Variants in SARDH observed in about 807,000 individuals in gnomAD.
SARDH encodes the protein sarcosine dehydrogenase, also known as sarcosine dehydrogenase, mitochondrial.
SARDH carries 95 observed loss-of-function variants against 109.1 expected under a neutral mutation model. That is an observed-to-expected ratio of 0.87 (90% confidence interval 0.74 to 1.03). The LOEUF is 1.03. Among genes scored for constraint, SARDH ranks in the 50% least tolerant of loss-of-function variants. The pLI is 0.00. For synonymous variants in SARDH, 572 were observed against 534.8 expected, an observed-to-expected ratio of 1.07 and a Z score of -0.96; for missense variants, 1,267 against 1,287.8, an observed-to-expected ratio of 0.98 and a Z score of 0.25.
At position 133,671,615 on chromosome 9, in the gene SARDH, C is replaced by A. The variant is rs779284665; in HGVS notation, c.2246G>T (p.Arg749Leu). ...CTTGGCACCCGCGGCCATCACAGCC[C>A]GGTACACAGGCACGCAGGACGCCTT... is the stretch of plus-strand genomic sequence containing the variant. ...IPKASCVPVY[R>L]AVMAAGAKHG... The change falls in exon 18 of 21, where the codon CGG (arginine) becomes CTG (leucine). Residue 749 changes from arginine (R) to leucine (L), a missense_variant. Coordinates refer to ENST00000439388, the MANE Select transcript of SARDH (RefSeq NM_001134707.2). The A allele has an allele frequency of 6.2e-6, 10 of 1,603,184 alleles. No homozygotes were observed. Among genetic ancestry groups the A allele is most frequent in the Non-Finnish European group, 7.7e-6 (9 of 1,175,540 alleles).
chr9:133,733,077 G>A (rs1321214091), intron 2 of SARDH, among the ~76,000 whole-genome samples: 4 of 152,212 alleles, frequency 2.6e-5, no homozygotes, highest in Non-Finnish European at 5.9e-5. Flanking sequence ...TGGCAGGCCA[G>A]GGGTGTGGCT....
At chr9:133,694,693 G>A (rs760711999) in intron 14 of SARDH, among the ~76,000 whole-genome samples, 5 of 152,212 alleles carry the variant, frequency 3.3e-5, no homozygotes, top group African/African-American at 4.8e-5. Context: ...AGTTTCTAGG[G>A]ACAGGATTCA....
intron 6 of SARDH, among the ~76,000 whole-genome samples, chr9:133,726,182 A>G (rs537803772): frequency 6.6e-6 from 1 of 151,828 alleles, no homozygotes; most frequent in African/African-American, 2.4e-5. Flanking sequence ...CAGCCTGGGC[A>G]GCATAGCAAA....
At chr9:133,703,335 G>C in intron 12 of SARDH, 1 of 424,328 alleles carries the variant, frequency 2.4e-6, no homozygotes, top group South Asian at 2.8e-5. Context: ...GGTTACCCAG[G>C]ACCTCAGCCA....
At chr9:133,677,854 A>G (rs1564241198) in intron 17 of SARDH, among the ~76,000 whole-genome samples, 1 of 152,244 alleles carries the variant, frequency 6.6e-6, no homozygotes, top group Non-Finnish European at 1.5e-5. Flanking sequence ...GCTGGGGCTC[A>G]GACTCCTGGA....
At position 133,718,521 on chromosome 9, in the gene SARDH, T is replaced by C. The variant is rs545150458; in HGVS notation, c.1020+417A>G. On this transcript the variant is annotated intron_variant, in intron 7 of 20. Transcript: ENST00000439388. The surrounding 1 kb of genome is among the most constrained non-coding windows in gnomAD (Gnocchi z 4.2). The stretch of plus-strand genomic sequence containing the variant: ...GTTCCATGTGTGGACTAAATGCATA[T>C]ACACATAGAACAGGGCTGCAGGGCT... 143 of 633,496 alleles carry C rather than the reference T, an allele frequency of 2.3e-4. No individual in the cohort carries two copies. Among genetic ancestry groups the C allele is most frequent in the African/African-American group, 1.5e-3 (83 of 55,504 alleles). 39.2% of individuals were successfully genotyped at this position (633,496 alleles called of 1,614,324 possible).
intron 3 of SARDH, among the ~76,000 whole-genome samples, chr9:133,732,215 C>T (rs921405299): frequency 7.2e-5 from 11 of 152,204 alleles, no homozygotes; most frequent in African/African-American, 2.2e-4. Flanking sequence ...ACTCCCGACC[C>T]CACAGGAAGC....
At chr9:133,701,837 A>C (rs2427995) in intron 13 of SARDH, among the ~76,000 whole-genome samples, 132,599 of 152,234 alleles carry the variant, frequency 0.87, 58,283 homozygotes, top group East Asian at 1. Flanking sequence ...TGAACGGTTT[A>C]TTCCCTTCAG....
intron 13 of SARDH, among the ~76,000 whole-genome samples, chr9:133,698,453 A>G (rs1831366993): frequency 6.6e-6 from 1 of 152,250 alleles, no homozygotes; most frequent in Admixed American, 6.5e-5. Context: ...AAAGGGGCCA[A>G]TAATACTCAA....
intron 20 of SARDH, among the ~76,000 whole-genome samples, chr9:133,665,008 C>A (rs129922): frequency 0.77 from 117,064 of 152,060 alleles, 46,314 homozygotes; most frequent in East Asian, 1. Flanking sequence ...CTATCTTAGG[C>A]AGAAACCTCC....
chr9:133,721,185 C>G (rs919372697), intron 6 of SARDH, among the ~76,000 whole-genome samples: 6 of 152,192 alleles, frequency 3.9e-5, no homozygotes, highest in African/African-American at 1.4e-4. Flanking sequence ...AGAGTGCCCA[C>G]CAAGCCCTGA....
chr9:133,695,315 C>T (rs2502737), intron 14 of SARDH, among the ~76,000 whole-genome samples: 49 of 152,138 alleles, frequency 3.2e-4, no homozygotes, highest in Admixed American at 2.9e-3. Flanking sequence ...TGGTGGTGTG[C>T]GCCTGTAATC....
chr9:133,708,331 C>A lies in SARDH; in HGVS notation c.1426G>T (p.Glu476Ter). ...KNYSVVFPHD[E>*]PLAGRNMRRD... ...CTCATGTTGCGCCCGGCCAGCGGCT[C>A]ATCGTGGGGGAAGACGACGGAGTAG... The change falls in exon 11 of 21, where the codon GAG (glutamate) becomes TAG (stop). Residue 476 changes from glutamate (E) to a stop codon, truncating the protein, a stop_gained. Coordinates refer to ENST00000439388, the MANE Select transcript of SARDH (RefSeq NM_001134707.2). LOFTEE classifies it high-confidence loss of function. The A allele has an allele frequency of 1.2e-6, 2 of 1,613,408 alleles. No individual in the cohort carries two copies. The highest frequency in any genetic ancestry group is 2.2e-5 in the South Asian group (2 of 91,072).
At chr9:133,671,089 G>A (rs959752945) in intron 18 of SARDH, among the ~76,000 whole-genome samples, 9 of 152,130 alleles carry the variant, frequency 5.9e-5, no homozygotes, top group Admixed American at 2.0e-4. Context: ...TGCCCAACAC[G>A]CTGGGGAACC....
intron 6 of SARDH, among the ~76,000 whole-genome samples, chr9:133,724,550 G>A (rs1029439959): frequency 2.0e-5 from 3 of 152,162 alleles, no homozygotes; most frequent in African/African-American, 4.8e-5. Flanking sequence ...GAACCCCTCC[G>A]TATACCTCAC....
At chr9:133,660,925 G>A (rs1328250028), downstream of SARDH, among the ~76,000 whole-genome samples, 2 of 152,320 alleles carry the variant, frequency 1.3e-5, no homozygotes, top group Non-Finnish European at 2.9e-5. Context: ...ATACAAGGTC[G>A]GGTGCTGTGG....
downstream of SARDH, among the ~76,000 whole-genome samples, chr9:133,660,823 C>T (rs548848256): frequency 2.0e-4 from 30 of 152,314 alleles, no homozygotes; most frequent in South Asian, 2.1e-3. Context: ...GGTGCCTGCC[C>T]GACTGGGTCC....
At chr9:133,679,866 G>A (rs1830637214) in intron 17 of SARDH, among the ~76,000 whole-genome samples, 1 of 152,184 alleles carries the variant, frequency 6.6e-6, no homozygotes, top group Admixed American at 6.5e-5. Flanking sequence ...CTCGCACCCG[G>A]GGCCCGGGTC....
At chr9:133,659,854 GAA>G (rs1420209977), downstream of SARDH, among the ~76,000 whole-genome samples, 37 of 152,256 alleles carry the variant, frequency 2.4e-4, no homozygotes, top group East Asian at 6.8e-3. Flanking sequence ...GCAGGCCCAA[GAA>G]GCCTCTTCCC....
Sources: allele counts gnomAD v4.1 joint callset (sites outside exome capture counted in the v4.1 genomes callset), GRCh38; gene constraint gnomAD v4.1.1; non-coding constraint Gnocchi (gnomAD v3.1); transcripts MANE v1.5; gene names NCBI Gene and HGNC (gene_info 2026-07-23, HGNC 2026-07-21).